Variants in GALNT13 observed in about 807,000 individuals in gnomAD.
GALNT13 encodes UDP-GalNAc:polypeptide N-acetylgalactosaminyltransferase 13.
Under a neutral mutation model 64.2 loss-of-function variants are expected in GALNT13, and 28 were observed. That is an observed-to-expected ratio of 0.44 (90% CI 0.32 to 0.60). The LOEUF (loss-of-function observed/expected upper bound fraction) is 0.60. GALNT13 is among the 20% of genes least tolerant of loss of function. The pLI, the probability that GALNT13 is intolerant of heterozygous loss-of-function variation, is 0.05. For synonymous variants in GALNT13, 214 were observed against 224.6 expected, an observed-to-expected ratio of 0.95 and a Z score of 0.42; for missense variants, 577 against 669.8, an observed-to-expected ratio of 0.86 and a Z score of 1.53.
At chr2:153,132,272 G>T in the GALNT13 span, among the ~76,000 whole-genome samples, 1 of 152,162 alleles carries the variant, frequency 6.6e-6, no homozygotes, top group Admixed American at 6.5e-5. Context: ...CAAAGAGCAA[G>T]AGAAAAACCC....
intron 8 of GALNT13, among the ~76,000 whole-genome samples, chr2:154,280,178 T>C (rs1171964889): frequency 6.6e-6 from 1 of 152,202 alleles, no homozygotes. Flanking sequence ...AGTCCCCTTC[T>C]TGTAAGCATG....
intron 3 of GALNT13, among the ~76,000 whole-genome samples, chr2:154,110,575 G>C (rs1456978810): frequency 1.3e-5 from 2 of 151,676 alleles, no homozygotes; most frequent in African/African-American, 4.8e-5. Context: ...TGTAGGCTGA[G>C]AGACTAAGCC....
At chr2:153,636,126 CT>C in the GALNT13 span, among the ~76,000 whole-genome samples, 1 of 152,012 alleles carries the variant, frequency 6.6e-6, no homozygotes, top group Non-Finnish European at 1.5e-5. Context: ...AAGATTTTTT[CT>C]GTCTAATTCC....
At chr2:154,151,008 T>C (rs1220327300) in intron 4 of GALNT13, among the ~76,000 whole-genome samples, 1 of 152,162 alleles carries the variant, frequency 6.6e-6, no homozygotes, top group Non-Finnish European at 1.5e-5. Flanking sequence ...TCTAGTTCTT[T>C]TAATTGTGAT....
chr2:153,174,982 C>G, the GALNT13 span, among the ~76,000 whole-genome samples: 1 of 152,018 alleles, frequency 6.6e-6, no homozygotes, highest in Non-Finnish European at 1.5e-5. Flanking sequence ...CTGAGATTAC[C>G]AAATCTAGGA....
the GALNT13 span, among the ~76,000 whole-genome samples, chr2:153,160,441 A>G: frequency 2.0e-5 from 3 of 151,496 alleles, no homozygotes; most frequent in Non-Finnish European, 4.4e-5. Flanking sequence ...CTCAACAAAC[A>G]TTTTTTTTTC....
chr2:153,995,022 T>A (rs1335743845), intron 3 of GALNT13, among the ~76,000 whole-genome samples: 1 of 152,114 alleles, frequency 6.6e-6, no homozygotes, highest in Non-Finnish European at 1.5e-5. Flanking sequence ...CATGACAATA[T>A]TTTTTATCTT....
chr2:153,371,434 T>C, the GALNT13 span, among the ~76,000 whole-genome samples: 6 of 152,148 alleles, frequency 3.9e-5, no homozygotes, highest in African/African-American at 1.4e-4. Flanking sequence ...CAAAAAAATG[T>C]ACAAAAAAGT....
At chr2:153,254,462 A>G in the GALNT13 span, among the ~76,000 whole-genome samples, 2 of 151,690 alleles carry the variant, frequency 1.3e-5, no homozygotes, top group South Asian at 4.2e-4. Context: ...TTGTGTCTCT[A>G]TTTCCTTCAG....
intron 9 of GALNT13, among the ~76,000 whole-genome samples, chr2:154,389,361 A>T (rs893201301): frequency 1.3e-5 from 2 of 151,684 alleles, no homozygotes; most frequent in Non-Finnish European, 2.9e-5. Context: ...CTGGTGTTGA[A>T]CTCCTGGCCT....
the GALNT13 span, among the ~76,000 whole-genome samples, chr2:153,256,380 C>G: frequency 6.6e-6 from 1 of 152,092 alleles, no homozygotes; most frequent in Admixed American, 6.6e-5. Context: ...AAATTTTTTT[C>G]AAAGTTTTCA....
intron 7 of GALNT13, among the ~76,000 whole-genome samples, chr2:154,258,719 C>A (rs1419923857): frequency 2.6e-5 from 4 of 151,784 alleles, no homozygotes; most frequent in Admixed American, 6.6e-5. Flanking sequence ...AGGGCAGAAA[C>A]CTCTCTTCGC....
In GALNT13 at chr2:154,221,854, T is replaced by C. The variant is rs557649552; in HGVS notation, c.312-20176T>C. ...ATTCATTTGTTTTACCGTTCATTAA[T>C]GTTTGAAATGGGGCACAGAGTAGGC... On this transcript the variant is annotated intron_variant, in intron 4 of 12. Transcript: ENST00000392825. Among the ~76,000 whole-genome samples, 4 of 152,246 alleles carry C rather than the reference T, an allele frequency of 2.6e-5. No individual in the cohort carries two copies. The East Asian group carries it at 5.8e-4, about 22-fold the overall frequency.
the GALNT13 span, among the ~76,000 whole-genome samples, chr2:153,529,382 CA>C: frequency 6.6e-6 from 1 of 151,448 alleles, no homozygotes; most frequent in African/African-American, 2.4e-5. Context: ...AAAACCCAAA[CA>C]GGCCAGTAAC....
chr2:153,147,592 G>A, the GALNT13 span, among the ~76,000 whole-genome samples: 37 of 148,774 alleles, frequency 2.5e-4, no homozygotes, highest in Admixed American at 2.4e-3. Context: ...ATCGGTTACA[G>A]TAATTAGAAC....
At chr2:154,095,634 A>C (rs1702036926) in intron 3 of GALNT13, among the ~76,000 whole-genome samples, 1 of 151,984 alleles carries the variant, frequency 6.6e-6, no homozygotes, top group Admixed American at 6.6e-5. Context: ...TTTTTTCTTA[A>C]TATGTGAATA....
intron 3 of GALNT13, among the ~76,000 whole-genome samples, chr2:154,003,685 C>T (rs2105227473): frequency 6.6e-6 from 1 of 152,218 alleles, no homozygotes; most frequent in African/African-American, 2.4e-5. Context: ...GAGATTGGGC[C>T]TGGTGGCAGG....
At chr2:154,168,826 TGTGAG>T (rs1168774292) in intron 4 of GALNT13, among the ~76,000 whole-genome samples, 1 of 151,824 alleles carries the variant, frequency 6.6e-6, no homozygotes, top group Non-Finnish European at 1.5e-5. Flanking sequence ...TGGGTAACAG[TGTGAG>T]ACTCTGTCTC....
the GALNT13 span, among the ~76,000 whole-genome samples, chr2:153,644,009 T>G: frequency 6.6e-6 from 1 of 152,086 alleles, no homozygotes; most frequent in Non-Finnish European, 1.5e-5. Flanking sequence ...AATGCAAGAC[T>G]ATCTAACTAT....
Sources: gnomAD v4.1 joint callset for allele counts (sites outside exome capture counted in the v4.1 genomes callset) on GRCh38, gnomAD v4.1.1 for gene constraint, MANE v1.5 for transcripts, NCBI Gene and HGNC (gene_info 2026-07-23, HGNC 2026-07-21) for gene names.